Variants in AFF4 observed in about 807,000 individuals in gnomAD.
AFF4 encodes the protein AF4/FMR2 family member 4.
A neutral mutation model predicts 124.8 loss-of-function variants in AFF4; 13 were observed. The observed-to-expected ratio is 0.10, with a 90% CI of 0.07 to 0.17. The LOEUF (loss-of-function observed/expected upper bound fraction) is 0.17. Among genes scored for constraint, AFF4 ranks in the 10% least tolerant of loss-of-function variants. AFF4 has a pLI of 1.00. For synonymous variants in AFF4, 477 were observed against 496.1 expected, an observed-to-expected ratio of 0.96 and a Z score of 0.51; for missense variants, 1,092 against 1,403.8, an observed-to-expected ratio of 0.78 and a Z score of 3.55.
intron 5 of AFF4, among the ~76,000 whole-genome samples, chr5:132,922,058 T>C (rs975529259): frequency 3.9e-5 from 6 of 152,150 alleles, no homozygotes; most frequent in Non-Finnish European, 2.9e-5. Context: ...GTACTAGGAC[T>C]ACAGGTGTGA....
At position 132,883,565 on chromosome 5, in the gene AFF4, A is replaced by C. The variant is rs960967742; in HGVS notation, c.3144-5T>G. On this transcript the variant is annotated splice_polypyrimidine_tract_variant and splice_region_variant and intron_variant, in intron 19 of 20. Transcript: ENST00000265343. ...GAAGGCATCCCCACAGCTTTGCTAC[A>C]CAACAGAAATAGGAAGCTTGTTCAT... 2 of 1,612,746 alleles carry C rather than the reference A, an allele frequency of 1.2e-6. No individual in the cohort carries two copies. Among genetic ancestry groups the C allele is most frequent in the African/African-American group, 1.3e-5 (1 of 74,896 alleles).
intron 5 of AFF4, among the ~76,000 whole-genome samples, chr5:132,910,078 TG>T (rs1344334971): frequency 2.0e-5 from 3 of 152,242 alleles, no homozygotes; most frequent in African/African-American, 7.2e-5. Context: ...ACCAAATGTT[TG>T]GTACAGGCAA....
chr5:132,898,177 C>T, intron 10 of AFF4, 53 bp downstream of exon 10: 1 of 1,591,202 alleles, frequency 6.3e-7, no homozygotes, highest in Non-Finnish European at 8.6e-7. Flanking sequence ...AAATGGACAT[C>T]ACCAAGGACC....
Position 132,927,109 on chromosome 5 carries a change from T to A in AFF4, c.1050+12A>T. ...TTTCTTACATTATGAAAGATACATT[T>A]TATTTACTTACCTTAGTTGGAAAAG... is the stretch of plus-strand genomic sequence containing the variant. On this transcript the variant is annotated intron_variant, in intron 5 of 20. Transcript: ENST00000265343. 1.2e-6 allele frequency: 2 copies of A among 1,605,984 alleles called. No homozygotes were observed. Among genetic ancestry groups the A allele is most frequent in the Non-Finnish European group, 8.5e-7 (1 of 1,174,544 alleles).
intron 5 of AFF4, among the ~76,000 whole-genome samples, chr5:132,907,297 C>T (rs902681853): frequency 6.6e-6 from 1 of 152,112 alleles, no homozygotes; most frequent in African/African-American, 2.4e-5. Flanking sequence ...TCTTAGTATG[C>T]GTCATCACTG....
chr5:132,905,210 C>T (rs1293756177), intron 5 of AFF4, among the ~76,000 whole-genome samples: 1 of 152,138 alleles, frequency 6.6e-6, no homozygotes, highest in Non-Finnish European at 1.5e-5. Context: ...AGCCCTATAA[C>T]AGCATAGTGT....
intron 19 of AFF4, 61 bp downstream of exon 19, chr5:132,885,015 G>C: frequency 8.0e-7 from 1 of 1,251,658 alleles, no homozygotes; most frequent in South Asian, 1.4e-5. Flanking sequence ...TTGGAAATTG[G>C]ACCATACTCA....
At chr5:132,893,224 G>A in intron 11 of AFF4, 106 bp from the exon 12 acceptor site, 3 of 897,058 alleles carry the variant, frequency 3.3e-6, no homozygotes, top group Non-Finnish European at 5.4e-6. Context: ...TCAGAAAGAA[G>A]ATAAAAGAGA....
chr5:132,905,068 TATACC>T (rs1160467713), intron 5 of AFF4, among the ~76,000 whole-genome samples: 1 of 132,512 alleles, frequency 7.5e-6, no homozygotes, highest in Non-Finnish European at 1.7e-5. Context: ...AAAAAAAAAG[TATACC>T]ACTTTTATGG....
chr5:132,901,069 C>A (rs1460594263), intron 7 of AFF4: 3 of 985,214 alleles, frequency 3.0e-6, no homozygotes, highest in Non-Finnish European at 3.6e-6. Context: ...TTAAACAGAA[C>A]AGGGAAAAAA....
At chr5:132,909,662 T>A (rs1760749070) in intron 5 of AFF4, among the ~76,000 whole-genome samples, 1 of 152,066 alleles carries the variant, frequency 6.6e-6, no homozygotes, top group Admixed American at 6.6e-5. Flanking sequence ...AATATTCAGA[T>A]TCACTCCTCA....
intron 1 of AFF4, chr5:132,937,867 T>C (rs1034404849): frequency 2.0e-5 from 3 of 152,176 alleles, no homozygotes; most frequent in Non-Finnish European, 2.9e-5. Flanking sequence ...ACTAAACTTG[T>C]ATTGAAAAAG....
chr5:132,905,821 T>G (rs989011014), intron 5 of AFF4, among the ~76,000 whole-genome samples: 1 of 152,226 alleles, frequency 6.6e-6, no homozygotes, highest in Admixed American at 6.5e-5. Flanking sequence ...CTTCAAAGAT[T>G]GTTATCAAAA....
At chr5:132,932,908 G>C (rs1761333377) in intron 3 of AFF4, among the ~76,000 whole-genome samples, 1 of 152,204 alleles carries the variant, frequency 6.6e-6, no homozygotes, top group African/African-American at 2.4e-5. Flanking sequence ...CTGTTCTCTT[G>C]AGAGGAGTAA....
At chr5:132,884,966 A>T in intron 19 of AFF4, 110 bp downstream of exon 19, 3 of 649,926 alleles carry the variant, frequency 4.6e-6, no homozygotes, top group South Asian at 2.0e-5. Flanking sequence ...TTTATCAGAG[A>T]TGGTTTTACT....
chr5:132,962,661 A>AT (rs1762104705), intron 1 of AFF4, among the ~76,000 whole-genome samples: 1 of 152,080 alleles, frequency 6.6e-6, no homozygotes, highest in East Asian at 1.9e-4. Context: ...AGGCCTAAAC[A>AT]TCAATATCCA....
At chr5:132,945,067 C>G (rs916418241) in intron 1 of AFF4, 2 of 192,812 alleles carry the variant, frequency 1.0e-5, no homozygotes, top group African/African-American at 4.7e-5. Flanking sequence ...TCCCTAATAC[C>G]TGCCACCCCA....
intron 11 of AFF4, among the ~76,000 whole-genome samples, chr5:132,895,404 G>T (rs1448015890): frequency 1.3e-5 from 2 of 152,188 alleles, no homozygotes; most frequent in Non-Finnish European, 2.9e-5. Flanking sequence ...TCCATTTTAA[G>T]AAAGTGCTCT....
At chr5:132,923,861 C>T (rs1561497077) in intron 5 of AFF4, among the ~76,000 whole-genome samples, 2 of 152,220 alleles carry the variant, frequency 1.3e-5, no homozygotes, top group Non-Finnish European at 2.9e-5. Flanking sequence ...TTTATAGATG[C>T]TTTATTCTTA....
Sources: allele counts gnomAD v4.1 joint callset (sites outside exome capture counted in the v4.1 genomes callset), GRCh38; gene constraint gnomAD v4.1.1; transcripts MANE v1.5; gene names NCBI Gene and HGNC (gene_info 2026-07-23, HGNC 2026-07-21).